Variants in CACNA2D3 observed in about 807,000 individuals in gnomAD.
The protein encoded by CACNA2D3 is voltage-dependent calcium channel subunit alpha-2/delta-3.
CACNA2D3 carries 60 observed loss-of-function variants against 160.6 expected under a neutral mutation model. The ratio of observed to expected loss-of-function variants is 0.37; its 90% confidence interval spans 0.30 to 0.46. The LOEUF (loss-of-function observed/expected upper bound fraction) is 0.46, where lower values mean the gene tolerates loss of function less well. Ranked by LOEUF, CACNA2D3 falls within the 20% of genes least tolerant of loss-of-function variation. The pLI, the probability that CACNA2D3 is intolerant of heterozygous loss-of-function variation, is 1.00. For synonymous variants in CACNA2D3, 558 were observed against 492.9 expected, an observed-to-expected ratio of 1.13 and a Z score of -1.75; for missense variants, 1,205 against 1,365.0, an observed-to-expected ratio of 0.88 and a Z score of 1.85.
At chr3:54,568,297 G>T (rs1181524930) in intron 6 of CACNA2D3, among the ~76,000 whole-genome samples, 1 of 152,204 alleles carries the variant, frequency 6.6e-6, no homozygotes, top group Non-Finnish European at 1.5e-5. Flanking sequence ...CTGCAGCAGA[G>T]ATTTGGACAT....
chr3:54,790,670 C>T (rs1215665340), intron 13 of CACNA2D3, among the ~76,000 whole-genome samples: 3 of 152,132 alleles, frequency 2.0e-5, no homozygotes, highest in African/African-American at 7.2e-5. Context: ...CAGCAGAACA[C>T]ATCTCAATCT....
intron 27 of CACNA2D3, among the ~76,000 whole-genome samples, chr3:54,945,313 G>A (rs1196791544): frequency 6.6e-6 from 1 of 152,204 alleles, no homozygotes; most frequent in East Asian, 1.9e-4. Flanking sequence ...GGTTAGAATT[G>A]CCAGGGGATC....
At chr3:54,756,022 A>G (rs1701963195) in intron 12 of CACNA2D3, among the ~76,000 whole-genome samples, 1 of 152,212 alleles carries the variant, frequency 6.6e-6, no homozygotes, top group Non-Finnish European at 1.5e-5. Flanking sequence ...TCTTTGAGGC[A>G]TCCTTTTGAA....
Position 54,326,180 on chromosome 3 carries a change from C to G in CACNA2D3, c.321+5622C>G, listed in dbSNP as rs577291135. On this transcript the variant is annotated intron_variant, in intron 3 of 37. Coordinates refer to ENST00000474759, the MANE Select transcript of CACNA2D3 (RefSeq NM_018398.3). ...GCTTTTTATCGAGAAATTCCACATG[C>G]AGCAAGACATTTTTCCTAGGAAACG... is the stretch of plus-strand genomic sequence containing the variant. 2.9e-4 allele frequency among the ~76,000 whole-genome samples: 44 copies of G among 152,278 alleles called. 1 individual carries two copies. The South Asian group carries it at 8.9e-3, about 31-fold the overall frequency.
chr3:54,609,437 G>A (rs1355223856), intron 9 of CACNA2D3, among the ~76,000 whole-genome samples: 1 of 152,170 alleles, frequency 6.6e-6, no homozygotes, highest in African/African-American at 2.4e-5. Flanking sequence ...AATATCTCAG[G>A]TCCTGCTTGC....
intron 11 of CACNA2D3, among the ~76,000 whole-genome samples, chr3:54,724,413 G>A (rs1166550831): frequency 2.0e-5 from 3 of 151,972 alleles, no homozygotes; most frequent in Admixed American, 1.3e-4. Context: ...CTGGACCAAG[G>A]GGACCTAACA....
At chr3:54,345,057 G>A (rs1355049338) in intron 3 of CACNA2D3, among the ~76,000 whole-genome samples, 1 of 152,184 alleles carries the variant, frequency 6.6e-6, no homozygotes, top group Non-Finnish European at 1.5e-5. Context: ...AAAAGGAGAG[G>A]CATGAATAAT....
chr3:54,290,946 T>C (rs59467390), intron 2 of CACNA2D3, among the ~76,000 whole-genome samples: 1 of 152,204 alleles, frequency 6.6e-6, no homozygotes, highest in East Asian at 1.9e-4. Flanking sequence ...TTAGGAGATA[T>C]ACCTAATGCT....
chr3:54,225,250 A>G (rs969707128), intron 2 of CACNA2D3, among the ~76,000 whole-genome samples: 3 of 152,178 alleles, frequency 2.0e-5, no homozygotes, highest in African/African-American at 4.8e-5. Flanking sequence ...GATGGTTTCC[A>G]GCTTCATCCA....
At chr3:54,680,929 G>A (rs1315823982) in intron 11 of CACNA2D3, among the ~76,000 whole-genome samples, 2 of 152,122 alleles carry the variant, frequency 1.3e-5, no homozygotes, top group Non-Finnish European at 2.9e-5. Context: ...GCTGGTCCTG[G>A]GGCTGACAAC....
At chr3:54,785,679 C>T (rs1702627125) in intron 13 of CACNA2D3, among the ~76,000 whole-genome samples, 1 of 152,142 alleles carries the variant, frequency 6.6e-6, no homozygotes, top group Non-Finnish European at 1.5e-5. Flanking sequence ...TCTTATTGTA[C>T]AGAAATGTCA....
intron 3 of CACNA2D3, among the ~76,000 whole-genome samples, chr3:54,369,777 C>T (rs773570252): frequency 1.3e-5 from 2 of 152,198 alleles, no homozygotes; most frequent in Non-Finnish European, 2.9e-5. Flanking sequence ...GGCAAGTCAT[C>T]ACTTTCTTGT....
rs180957017 is a variant in CACNA2D3, at chr3:54,765,538, A to G, written c.1380+1187A>G. Among the ~76,000 whole-genome samples, 3 of 152,308 alleles carry G rather than the reference A, an allele frequency of 2.0e-5. No individual in the cohort carries two copies. The East Asian group carries it at 5.8e-4, about 29-fold the overall frequency. On this transcript the variant is annotated intron_variant, in intron 13 of 37. Coordinates refer to ENST00000474759, the MANE Select transcript of CACNA2D3 (RefSeq NM_018398.3). ...CATTTATGTTGGCACCATATTAACA[A>G]TAGCAGCCATGGTGATAACTTCATC... is the stretch of plus-strand genomic sequence containing the variant.
chr3:54,996,911 C>T (rs1702870929), intron 31 of CACNA2D3, among the ~76,000 whole-genome samples: 1 of 152,144 alleles, frequency 6.6e-6, no homozygotes, highest in Admixed American at 6.5e-5. Flanking sequence ...TCTCAGCAAA[C>T]TAACACAAGA....
intron 2 of CACNA2D3, among the ~76,000 whole-genome samples, chr3:54,129,702 G>A (rs999486392): frequency 3.9e-5 from 6 of 152,340 alleles, no homozygotes; most frequent in African/African-American, 1.4e-4. Context: ...GACAGGCAAG[G>A]TGGGTAAGGC....
intron 4 of CACNA2D3, among the ~76,000 whole-genome samples, chr3:54,501,102 T>C (rs1255220508): frequency 6.6e-6 from 1 of 152,148 alleles, no homozygotes; most frequent in Non-Finnish European, 1.5e-5. Flanking sequence ...TCAATCCCTG[T>C]TATAAGGACA....
intron 2 of CACNA2D3, among the ~76,000 whole-genome samples, chr3:54,296,324 C>T (rs1703341881): frequency 6.6e-6 from 1 of 152,144 alleles, no homozygotes; most frequent in Non-Finnish European, 1.5e-5. Flanking sequence ...TTCTCTCTCC[C>T]AGCCACCCTG....
At chr3:54,433,800 C>T (rs1700022999) in intron 4 of CACNA2D3, among the ~76,000 whole-genome samples, 2 of 152,248 alleles carry the variant, frequency 1.3e-5, no homozygotes, top group South Asian at 4.2e-4. Flanking sequence ...CCTGTTCCTC[C>T]TAGACAAAGG....
chr3:54,172,054 C>T (rs938586895), intron 2 of CACNA2D3, among the ~76,000 whole-genome samples: 1 of 152,218 alleles, frequency 6.6e-6, no homozygotes, highest in Non-Finnish European at 1.5e-5. Flanking sequence ...ATGGATCTGT[C>T]GAGCATTTTC....
Sources: allele counts gnomAD v4.1 joint callset (sites outside exome capture counted in the v4.1 genomes callset), GRCh38; gene constraint gnomAD v4.1.1; transcripts MANE v1.5; gene names NCBI Gene and HGNC (gene_info 2026-07-23, HGNC 2026-07-21).